NAV3: variants seen among roughly 807,000 people sequenced by gnomAD.
The protein encoded by NAV3 is pore membrane and/or filament interacting like protein 1.
In NAV3, 87 loss-of-function variants were observed where a neutral mutation model predicts 244.7. The ratio of observed to expected loss-of-function variants is 0.36; its 90% CI spans 0.30 to 0.42. NAV3 has a LOEUF of 0.42. NAV3 is among the 20% of genes least tolerant of loss of function. The pLI is 1.00. For missense variants in NAV3, 2,663 were observed against 2,893.3 expected (o/e 0.92, Z 1.83); for synonymous variants, 1,126 against 1,042.2 (o/e 1.08, Z -1.55).
At chr12:77,834,047 C>T (rs1314847600) in intron 1 of NAV3, among the ~76,000 whole-genome samples, 1 of 152,106 alleles carries the variant, frequency 6.6e-6, no homozygotes, top group Non-Finnish European at 1.5e-5. Flanking sequence ...CGATGTCCAG[C>T]CATTTTTGTC....
chr12:77,661,281 G>A (rs1383101702), intron 2 of NAV3, among the ~76,000 whole-genome samples: 2 of 152,110 alleles, frequency 1.3e-5, no homozygotes, highest in African/African-American at 4.8e-5. Context: ...ATTCTAGTGT[G>A]TGTAGTGGTA....
intron 2 of NAV3, among the ~76,000 whole-genome samples, chr12:77,717,403 T>G (rs2137278022): frequency 6.6e-6 from 1 of 152,246 alleles, no homozygotes; most frequent in South Asian, 2.1e-4. Context: ...CTTATTTCAC[T>G]TATCATGATG....
chr12:77,990,422 T>C (rs1477628905), intron 5 of NAV3, among the ~76,000 whole-genome samples: 1 of 146,756 alleles, frequency 6.8e-6, no homozygotes. Context: ...GGCATCTCAT[T>C]GTCTAGTTGT....
intron 2 of NAV3, among the ~76,000 whole-genome samples, chr12:77,735,494 A>G (rs1435046927): frequency 6.6e-6 from 1 of 152,150 alleles, no homozygotes. Context: ...AAGCCCTCCT[A>G]TAAACAAAAG....
intron 2 of NAV3, among the ~76,000 whole-genome samples, chr12:77,655,073 C>A (rs903774551): frequency 6.6e-6 from 1 of 152,198 alleles, no homozygotes; most frequent in African/African-American, 2.4e-5. Flanking sequence ...CAAAGGATCG[C>A]ACTTCCTCAC....
At chr12:77,772,190 A>G (rs2135881801) in intron 2 of NAV3, among the ~76,000 whole-genome samples, 1 of 152,254 alleles carries the variant, frequency 6.6e-6, no homozygotes, top group African/African-American at 2.4e-5. Flanking sequence ...CTAATGAGGG[A>G]CAACGCTAGT....
At chr12:77,830,782 G>T (rs1000017086), upstream of NAV3, 3 of 152,178 alleles carry the variant, frequency 2.0e-5, no homozygotes, top group Admixed American at 2.0e-4. Context: ...CGGGCTAAAA[G>T]TTCTTCCAAC....
At chr12:77,780,799 G>T (rs1049825004) in intron 2 of NAV3, among the ~76,000 whole-genome samples, 1 of 152,144 alleles carries the variant, frequency 6.6e-6, no homozygotes, top group Non-Finnish European at 1.5e-5. Flanking sequence ...TCTTAAGTAA[G>T]TTCTCTAAGA....
At chr12:77,754,760 C>T (rs1266976099) in intron 2 of NAV3, among the ~76,000 whole-genome samples, 1 of 152,178 alleles carries the variant, frequency 6.6e-6, no homozygotes, top group Non-Finnish European at 1.5e-5. Context: ...TTATGCGAAA[C>T]TTTGCCTGGA....
intron 2 of NAV3, among the ~76,000 whole-genome samples, chr12:77,611,896 A>G (rs1485222343): frequency 1.3e-5 from 2 of 152,036 alleles, no homozygotes; most frequent in Non-Finnish European, 2.9e-5. Context: ...GCTAGTATTC[A>G]TTTATTCAAA....
In NAV3 at chr12:78,021,816, C is replaced by G. The variant is rs1877200406; in HGVS notation, c.1977C>G (p.Asp659Glu). ...CCTGTACCAGTCCTACAAAGATGGA[C>G]TTATCATATAGTAAGACTGCTAAGC... ...ADSCTSPTKM[D>E]LSYSKTAKQC... Residue 659 changes from aspartate to glutamate, a missense_variant, in exon 9 of 40, where the codon GAC becomes GAG. Asp to Glu is a conservative substitution (Grantham distance 45, BLOSUM62 2). This residue lies in a region of NAV3 where 1,521 missense variants were observed against 1,497.0 expected (regional missense o/e 1.02). Coordinates refer to ENST00000397909, the MANE Select transcript of NAV3 (RefSeq NM_001024383.2). The G allele has an allele frequency of 1.9e-6, 3 of 1,611,322 alleles. No homozygotes were observed. Among genetic ancestry groups the G allele is most frequent in the Non-Finnish European group, 2.5e-6 (3 of 1,178,534 alleles).
rs756805711 is a variant in NAV3 at position 77,645,536 on chromosome 12, T to TAAAAAAAAAAAA, written c.72+73283_72+73294dup. Among the ~76,000 whole-genome samples, 31 of 63,008 alleles carry TAAAAAAAAAAAA rather than the reference T, an allele frequency of 4.9e-4. 1 individual carries two copies. The highest frequency in any genetic ancestry group is 2.0e-3 in the African/African-American group (28 of 13,768). 41.3% of individuals were successfully genotyped at this position (63,008 alleles called of 152,430 possible). On this transcript the variant is annotated intron_variant, in intron 2 of 8. Transcript: ENST00000550042. Reference sequence around the variant, plus strand: ...GAATTCATGGAGAGCTCTCTCTCTCTAAAAAAAAAAAAAAAAAAAAAAAAC... The same window carrying TAAAAAAAAAAAA: ...GAATTCATGGAGAGCTCTCTCTCTCTAAAAAAAAAAAAAAAAAAAAAAAAAAAAAAAAAAAAC...
intron 2 of NAV3, among the ~76,000 whole-genome samples, chr12:77,588,775 A>G (rs1297226384): frequency 1.3e-5 from 2 of 152,236 alleles, no homozygotes; most frequent in Non-Finnish European, 2.9e-5. Flanking sequence ...AATTGTGAAA[A>G]TACATTTTTA....
At chr12:78,050,207 A>G (rs1882532231) in intron 10 of NAV3, 106 bp downstream of exon 10, 3 of 786,158 alleles carry the variant, frequency 3.8e-6, no homozygotes, top group South Asian at 3.3e-5. Context: ...GTTTCCCCTT[A>G]CTATTTTCTC....
intron 1 of NAV3, among the ~76,000 whole-genome samples, chr12:77,902,978 C>T (rs1191963707): frequency 5.3e-5 from 8 of 151,978 alleles, no homozygotes; most frequent in Non-Finnish European, 1.2e-4. Flanking sequence ...AAACCACTGC[C>T]CAATGAAATA....
intron 1 of NAV3, among the ~76,000 whole-genome samples, chr12:77,881,427 T>C (rs1882632495): frequency 6.6e-6 from 1 of 152,038 alleles, no homozygotes; most frequent in African/African-American, 2.4e-5. Flanking sequence ...TCATAGAAAA[T>C]AACAGTCAAC....
chr12:77,598,233 G>A (rs73425505), intron 2 of NAV3, among the ~76,000 whole-genome samples: 3,330 of 152,016 alleles, frequency 0.022, 129 homozygotes, highest in African/African-American at 0.076. Context: ...GAAAGTATCC[G>A]TATTTAAAAT....
intron 31 of NAV3, among the ~76,000 whole-genome samples, chr12:78,187,090 A>C (rs1958754498): frequency 6.6e-6 from 1 of 151,968 alleles, no homozygotes; most frequent in Admixed American, 6.6e-5. Context: ...TTGAGGAGAC[A>C]CAAATATCAT....
chr12:77,685,473 G>GCACACACACACACACACACACACACACA (rs778398842), intron 2 of NAV3, among the ~76,000 whole-genome samples: 1 of 42,596 alleles, frequency 2.3e-5, no homozygotes, highest in African/African-American at 4.8e-5. Context: ...GCATACACAT[G>GCACACACACACACACACACACACACACA]CACACACACA....
Sources: allele counts gnomAD v4.1 joint callset (sites outside exome capture counted in the v4.1 genomes callset), GRCh38; gene constraint gnomAD v4.1.1; regional missense constraint gnomAD v4.1.1; transcripts MANE v1.5; gene names NCBI Gene and HGNC (gene_info 2026-07-23, HGNC 2026-07-21).